Variants in ASIC2 observed in about 807,000 individuals in gnomAD.
ASIC2 encodes the protein acid-sensing ion channel 2.
In ASIC2, 25 loss-of-function variants were observed where a neutral mutation model predicts 57.3. The ratio of observed to expected loss-of-function variants is 0.44; its 90% CI spans 0.32 to 0.61. The LOEUF (loss-of-function observed/expected upper bound fraction) is 0.61. Ranked by LOEUF, ASIC2 falls within the 20% of genes least tolerant of loss-of-function variation. ASIC2 has a pLI of 0.06. For missense variants in ASIC2, 641 were observed against 738.1 expected (o/e 0.87, Z 1.52); for synonymous variants, 319 against 307.5 (o/e 1.04, Z -0.39).
intron 1 of ASIC2, among the ~76,000 whole-genome samples, chr17:33,650,199 G>A (rs1216622780): frequency 1.3e-5 from 2 of 152,100 alleles, no homozygotes; most frequent in African/African-American, 4.8e-5. Context: ...TCACTGAAGA[G>A]AATATACAGA....
chr17:33,250,132 G>T (rs1320117363), intron 1 of ASIC2, among the ~76,000 whole-genome samples: 1 of 152,074 alleles, frequency 6.6e-6, no homozygotes, highest in Admixed American at 6.5e-5. Flanking sequence ...TGTAAAATGG[G>T]GCTATAAATA....
chr17:33,578,204 A>G (rs1258472800), intron 1 of ASIC2, among the ~76,000 whole-genome samples: 1 of 152,082 alleles, frequency 6.6e-6, no homozygotes, highest in Non-Finnish European at 1.5e-5. Context: ...ATAATCTCTG[A>G]TTTTAGGAAT....
intron 3 of ASIC2, among the ~76,000 whole-genome samples, chr17:33,032,182 C>T (rs2091886236): frequency 6.6e-6 from 1 of 152,068 alleles, no homozygotes; most frequent in South Asian, 2.1e-4. Flanking sequence ...TTCTAGTTCT[C>T]CTTTTGTTCT....
At chr17:33,398,202 C>T (rs1437049280) in intron 1 of ASIC2, among the ~76,000 whole-genome samples, 7 of 152,148 alleles carry the variant, frequency 4.6e-5, no homozygotes, top group Non-Finnish European at 1.5e-5. Flanking sequence ...TACATTAGAA[C>T]AAAAGCTCCA....
intron 1 of ASIC2, among the ~76,000 whole-genome samples, chr17:33,183,684 G>A (rs1906075535): frequency 6.6e-6 from 1 of 152,174 alleles, no homozygotes; most frequent in African/African-American, 2.4e-5. Context: ...TATTCATGAT[G>A]CATTTATTGT....
rs939996604 is a variant in ASIC2, at chr17:33,078,147, G to A, written c.987+10716C>T. ...GTAAGATAAAGTAGGTGAGTCCATAGACATTAGGGCTCCTTTCTTCTGCCT... is the reference window on the plus strand; with the variant it reads ...GTAAGATAAAGTAGGTGAGTCCATAAACATTAGGGCTCCTTTCTTCTGCCT... On this transcript the variant is annotated intron_variant, in intron 3 of 9. Coordinates refer to ENST00000225823, the MANE Select transcript of ASIC2 (RefSeq NM_183377.2). Among the ~76,000 whole-genome samples the A allele has an allele frequency of 2.3e-4, 35 of 152,108 alleles. 1 individual carries two copies. Among genetic ancestry groups the A allele is most frequent in the Non-Finnish European group, 4.4e-5 (3 of 68,018 alleles).
intron 1 of ASIC2, among the ~76,000 whole-genome samples, chr17:33,889,031 T>C (rs534262509): frequency 6.6e-6 from 1 of 152,232 alleles, no homozygotes; most frequent in African/African-American, 2.4e-5. Context: ...GTAAAAATGT[T>C]TCTTGGGATG....
At chr17:34,056,585 T>C (rs1908773990) in intron 1 of ASIC2, among the ~76,000 whole-genome samples, 1 of 152,098 alleles carries the variant, frequency 6.6e-6, no homozygotes, top group African/African-American at 2.4e-5. Context: ...AAAATAGAAG[T>C]CCACAACCAA....
At chr17:33,375,122 G>A (rs537800392) in intron 1 of ASIC2, among the ~76,000 whole-genome samples, 1 of 152,238 alleles carries the variant, frequency 6.6e-6, no homozygotes, top group South Asian at 2.1e-4. Context: ...TATGTCAGAG[G>A]ATGATAAGTG....
At chr17:33,149,563 A>G (rs969285042) in intron 1 of ASIC2, among the ~76,000 whole-genome samples, 1 of 152,258 alleles carries the variant, frequency 6.6e-6, no homozygotes, top group Non-Finnish European at 1.5e-5. Context: ...GATGCTTAAT[A>G]AACATTCAGG....
At chr17:33,595,249 G>T (rs1200894230) in intron 1 of ASIC2, among the ~76,000 whole-genome samples, 1 of 152,166 alleles carries the variant, frequency 6.6e-6, no homozygotes. Context: ...ATTAAAAAAG[G>T]TAGAATTGAA....
chr17:33,354,550 A>T (rs1218001205), intron 1 of ASIC2, among the ~76,000 whole-genome samples: 2 of 151,698 alleles, frequency 1.3e-5, no homozygotes, highest in East Asian at 3.9e-4. Flanking sequence ...CCCTACCCCC[A>T]TGGCTTCCTG....
At chr17:34,031,409 G>A (rs1030908004) in intron 1 of ASIC2, among the ~76,000 whole-genome samples, 16 of 152,014 alleles carry the variant, frequency 1.1e-4, no homozygotes, top group Non-Finnish European at 2.2e-4. Context: ...ACAAAGATGG[G>A]AAAAAAACGG....
At chr17:33,782,538 C>A (rs968832782) in intron 1 of ASIC2, among the ~76,000 whole-genome samples, 2 of 152,132 alleles carry the variant, frequency 1.3e-5, no homozygotes, top group African/African-American at 4.8e-5. Context: ...ACCAGCCTGG[C>A]CAACATAGCG....
intron 1 of ASIC2, chr17:33,793,333 A>G (rs1487271488): frequency 6.6e-6 from 1 of 152,256 alleles, no homozygotes; most frequent in Non-Finnish European, 1.5e-5. Flanking sequence ...TATCCTCACA[A>G]TAATGCAATG....
intron 1 of ASIC2, among the ~76,000 whole-genome samples, chr17:33,842,375 A>T (rs1370076542): frequency 6.6e-6 from 1 of 152,174 alleles, no homozygotes; most frequent in African/African-American, 2.4e-5. Context: ...ACACATTAAG[A>T]TGCATCTACC....
intron 1 of ASIC2, among the ~76,000 whole-genome samples, chr17:33,568,788 T>C (rs566530107): frequency 3.2e-4 from 49 of 152,300 alleles, no homozygotes; most frequent in Middle Eastern, 6.8e-3. Flanking sequence ...TTCCTTTACA[T>C]ATAGTTAGCA....
intron 1 of ASIC2, among the ~76,000 whole-genome samples, chr17:33,365,102 C>T (rs762564115): frequency 1.5e-4 from 23 of 152,288 alleles, no homozygotes; most frequent in Admixed American, 6.5e-4. Flanking sequence ...TTCGGTGTGA[C>T]CACAATGTTT....
intron 1 of ASIC2, among the ~76,000 whole-genome samples, chr17:33,718,944 CA>C (rs1567697429): frequency 6.6e-6 from 1 of 152,190 alleles, no homozygotes; most frequent in Non-Finnish European, 1.5e-5. Context: ...GGTCATCAAC[CA>C]AAACCTGGAG....
Sources: allele counts gnomAD v4.1 joint callset (sites outside exome capture counted in the v4.1 genomes callset), GRCh38; gene constraint gnomAD v4.1.1; transcripts MANE v1.5; gene names NCBI Gene and HGNC (gene_info 2026-07-23, HGNC 2026-07-21).